ZNF93: variants seen among roughly 807,000 people sequenced by gnomAD.
The protein encoded by ZNF93 is zinc finger protein 93.
In ZNF93, 29 loss-of-function variants were observed where a neutral mutation model predicts 45.0. The ratio of observed to expected loss-of-function variants is 0.64; its 90% CI spans 0.48 to 0.88. The LOEUF is 0.88. Ranked by LOEUF, ZNF93 falls within the 40% of genes least tolerant of loss-of-function variation. The pLI is 0.00. For synonymous variants in ZNF93, 223 were observed against 244.6 expected (o/e 0.91, Z 0.82); for missense variants, 578 against 724.0 (o/e 0.80, Z 2.31).
intron 3 of ZNF93, among the ~76,000 whole-genome samples, chr19:19,929,937 CAAAAAAAAAA>C (rs71172547): frequency 4.0e-4 from 23 of 57,690 alleles, no homozygotes; most frequent in Non-Finnish European, 2.8e-4. Context: ...GACTCCGTCT[CAAAAAAAAAA>C]AAAAAAAAAA....
At chr19:19,902,615 C>T (rs976985868) in intron 1 of ZNF93, among the ~76,000 whole-genome samples, 4 of 151,728 alleles carry the variant, frequency 2.6e-5, no homozygotes, top group Admixed American at 6.6e-5. Flanking sequence ...CTGCAGATGT[C>T]CCAGCCTATT....
At chr19:19,903,446 T>A (rs1467967336) in intron 1 of ZNF93, among the ~76,000 whole-genome samples, 1 of 152,032 alleles carries the variant, frequency 6.6e-6, no homozygotes, top group Non-Finnish European at 1.5e-5. Context: ...AGGAAATATT[T>A]TATTTTAGGC....
chr19:19,934,460 T>A lies in ZNF93; in HGVS notation c.1505T>A (p.Ile502Asn), dbSNP rs150239312. 8.2e-4 allele frequency: 1,325 copies of A among 1,610,704 alleles called. 15 individuals carry two copies. The African/African-American group carries it at 0.016, about 20-fold the overall frequency. Residue 502 changes from isoleucine to asparagine, a missense_variant, in exon 4 of 4, where the codon ATT (isoleucine) becomes AAT (asparagine). Around this residue, in one of 3 missense-constraint regions of ZNF93, gnomAD observed 13 missense variants for 53.3 expected, o/e 0.24. Coordinates refer to ENST00000343769, the MANE Select transcript of ZNF93 (RefSeq NM_031218.4). ...TCTTCCCTTACTAAACATAAGAAAATTCATACTGGAGAGAAACCCTACAAA... is the reference window on the plus strand; with the variant it reads ...TCTTCCCTTACTAAACATAAGAAAAATCATACTGGAGAGAAACCCTACAAA... ...QSSSLTKHKK[I>N]HTGEKPYKCE...
In ZNF93 at chr19:19,934,946, C is replaced by T. The variant is rs1350590617; in HGVS notation, c.*128C>T. 17 of 1,078,206 alleles carry T rather than the reference C, an allele frequency of 1.6e-5. No homozygotes were observed. In the East Asian group the frequency reaches 2.8e-4, roughly 18 times the overall value. 66.8% of individuals were successfully genotyped at this position (1,078,206 alleles called of 1,614,324 possible). On this transcript the variant is annotated 3_prime_UTR_variant, in exon 4 of 4. Transcript: ENST00000343769. ...CAGTCTGGCAGAGGTCCTGCCATTTCGGAGACCTGGAGGAAGTGGCCCATT... is the reference window on the plus strand; with the variant it reads ...CAGTCTGGCAGAGGTCCTGCCATTTTGGAGACCTGGAGGAAGTGGCCCATT...
chr19:19,908,182 C>T (rs918767330), intron 1 of ZNF93: 1 of 152,086 alleles, frequency 6.6e-6, no homozygotes, highest in African/African-American at 2.4e-5. Flanking sequence ...ATGTGGCCAC[C>T]AAAAACCATA....
chr19:19,931,879 A>AT, intron 3 of ZNF93: 1 of 235,194 alleles, frequency 4.3e-6, no homozygotes, highest in South Asian at 4.2e-5. Context: ...AAAACTGGAG[A>AT]TTACATACAT....
chr19:19,909,217 G>A (rs918577571), intron 1 of ZNF93: 2 of 152,244 alleles, frequency 1.3e-5, no homozygotes, highest in Non-Finnish European at 2.9e-5. Flanking sequence ...CTGTGCTCTG[G>A]GCTGTGCCTC....
intron 1 of ZNF93, among the ~76,000 whole-genome samples, chr19:19,906,436 AC>A (rs992937663): frequency 6.6e-6 from 1 of 152,054 alleles, no homozygotes; most frequent in Non-Finnish European, 1.5e-5. Context: ...TGGATATTAG[AC>A]CTTTGTCAGA....
intron 3 of ZNF93, among the ~76,000 whole-genome samples, chr19:19,925,465 G>C (rs2063353454): frequency 6.6e-6 from 1 of 152,132 alleles, no homozygotes; most frequent in African/African-American, 2.4e-5. Context: ...GCTGTAAGGG[G>C]ATATGAAAAT....
At position 19,913,084 on chromosome 19, in the gene ZNF93, C is replaced by T. The variant is rs567517305; in HGVS notation, c.4-2196C>T. On this transcript the variant is annotated intron_variant, in intron 1 of 3. Coordinates refer to ENST00000343769, the MANE Select transcript of ZNF93 (RefSeq NM_031218.4). Reference sequence around the variant, plus strand: ...AAGTGTAAGGGACCCTGTGCTGTTCCTGCTTTCTCTAACTAATGCTCATAA... The same window carrying T: ...AAGTGTAAGGGACCCTGTGCTGTTCTTGCTTTCTCTAACTAATGCTCATAA... Among the ~76,000 whole-genome samples the T allele has an allele frequency of 5.8e-4, 88 of 152,224 alleles. 1 individual carries two copies. In the South Asian group the frequency reaches 0.018, roughly 31 times the overall value.
chr19:19,902,952 G>C (rs2063279646), intron 1 of ZNF93, among the ~76,000 whole-genome samples: 1 of 151,456 alleles, frequency 6.6e-6, no homozygotes, highest in Non-Finnish European at 1.5e-5. Context: ...TGTGAGCCAG[G>C]ATGGTCTCGA....
At chr19:19,918,301 A>G (rs80048927) in intron 3 of ZNF93, among the ~76,000 whole-genome samples, 3 of 152,006 alleles carry the variant, frequency 2.0e-5, no homozygotes, top group Non-Finnish European at 4.4e-5. Context: ...TTATGGTTGC[A>G]TAGTATTCCA....
chr19:19,909,834 G>A (rs898314413), intron 1 of ZNF93, among the ~76,000 whole-genome samples: 5 of 152,208 alleles, frequency 3.3e-5, no homozygotes, highest in South Asian at 4.1e-4. Flanking sequence ...CCATACTTGC[G>A]CAGCAAAATG....
intron 3 of ZNF93, among the ~76,000 whole-genome samples, chr19:19,916,978 A>G (rs1043560857): frequency 6.6e-6 from 1 of 151,982 alleles, no homozygotes. Flanking sequence ...GGGGACACAA[A>G]AATATTTGCA....
chr19:19,906,884 C>T (rs2063294264), intron 1 of ZNF93, among the ~76,000 whole-genome samples: 1 of 150,578 alleles, frequency 6.6e-6, no homozygotes, highest in Non-Finnish European at 1.5e-5. Context: ...CTTGTGCACT[C>T]ATGGATTTTT....
chr19:19,922,175 A>G (rs2063344030), intron 3 of ZNF93, among the ~76,000 whole-genome samples: 1 of 152,032 alleles, frequency 6.6e-6, no homozygotes, highest in South Asian at 2.1e-4. Context: ...CTTGTCTGTA[A>G]AGGATTTTAT....
At chr19:19,914,670 CTTTTTTCTTT>C in intron 1 of ZNF93, 1 of 232,970 alleles carries the variant, frequency 4.3e-6, no homozygotes, top group South Asian at 5.0e-5. Context: ...GTCAGTTGTC[CTTTTTTCTTT>C]TTTTTTCTAT....
chr19:19,903,540 G>A (rs907441455), intron 1 of ZNF93, among the ~76,000 whole-genome samples: 15 of 151,998 alleles, frequency 9.9e-5, no homozygotes, highest in African/African-American at 3.6e-4. Flanking sequence ...GGCCAAGGCG[G>A]ACAGGTCACG....
chr19:19,906,279 T>C (rs2063292675), intron 1 of ZNF93, among the ~76,000 whole-genome samples: 1 of 150,466 alleles, frequency 6.6e-6, no homozygotes, highest in Non-Finnish European at 1.5e-5. Flanking sequence ...ATTTCTGTAA[T>C]GATTAGTGAT....
Sources: gnomAD v4.1 joint callset for allele counts (sites outside exome capture counted in the v4.1 genomes callset) on GRCh38, gnomAD v4.1.1 for gene constraint, gnomAD v4.1.1 regional missense constraint, MANE v1.5 for transcripts, NCBI Gene and HGNC (gene_info 2026-07-23, HGNC 2026-07-21) for gene names.